The following C12orf56 variants were observed in gnomAD, a reference collection of about 807,000 sequenced individuals.
C12orf56 encodes the protein chromosome 12 open reading frame 56.
Under a neutral mutation model 69.9 loss-of-function variants are expected in C12orf56, and 71 were observed. The ratio of observed to expected loss-of-function variants is 1.02; its 90% CI spans 0.84 to 1.24. The LOEUF (loss-of-function observed/expected upper bound fraction) is 1.24. Among genes scored for constraint, C12orf56 ranks in the 50% most tolerant of loss-of-function variants. The pLI is 0.00. For synonymous variants in C12orf56, 276 were observed against 274.1 expected (o/e 1.01, Z -0.07); for missense variants, 732 against 738.5 (o/e 0.99, Z 0.10).
chr12:64,362,820 G>GGGTGGGAAATTCCT (rs2039416137), intron 1 of C12orf56, among the ~76,000 whole-genome samples: 1 of 152,110 alleles, frequency 6.6e-6, no homozygotes, highest in African/African-American at 2.4e-5. Context: ...TCTGGGAAAG[G>GGGTGGGAAATTCCT]GGTGGGAAAT....
At chr12:64,299,155 G>T (rs1342963088) in intron 6 of C12orf56, among the ~76,000 whole-genome samples, 1 of 152,106 alleles carries the variant, frequency 6.6e-6, no homozygotes, top group African/African-American at 2.4e-5. Context: ...ATTGTGAATG[G>T]GAGTTCACTC....
chr12:64,366,877 A>G (rs1434438402), intron 1 of C12orf56, among the ~76,000 whole-genome samples: 1 of 125,572 alleles, frequency 8.0e-6, no homozygotes, highest in Non-Finnish European at 1.5e-5. Context: ...CATACAGTTT[A>G]TATATATTAT....
Position 64,379,875 on chromosome 12 carries a change from A to G in C12orf56, c.252+10439T>C, listed in dbSNP as rs192065598. 7.2e-4 allele frequency among the ~76,000 whole-genome samples: 107 copies of G among 148,660 alleles called. No homozygotes were observed. The East Asian group carries it at 0.014, about 19-fold the overall frequency. Reference sequence around the variant, plus strand: ...GAGGTGGGCGGATCACAAGGTCAGGAGATCCAGACCATCCTGGCTAACACG... The same window carrying G: ...GAGGTGGGCGGATCACAAGGTCAGGGGATCCAGACCATCCTGGCTAACACG... On this transcript the variant is annotated intron_variant, in intron 1 of 12. Coordinates refer to ENST00000543942, the MANE Select transcript of C12orf56 (RefSeq NM_001170633.2).
intron 2 of C12orf56, chr12:64,352,254 C>A (rs1164933793): frequency 2.0e-5 from 3 of 152,144 alleles, no homozygotes; most frequent in Non-Finnish European, 2.9e-5. Context: ...CAGTTTGTCT[C>A]TTCTCACTTT....
At chr12:64,334,403 C>A (rs2038967642) in intron 2 of C12orf56, among the ~76,000 whole-genome samples, 1 of 152,110 alleles carries the variant, frequency 6.6e-6, no homozygotes, top group Non-Finnish European at 1.5e-5. Context: ...GTTCTAGGAT[C>A]GCCCTTGGAA....
chr12:64,364,869 C>T (rs2039444051), intron 1 of C12orf56, among the ~76,000 whole-genome samples: 1 of 151,978 alleles, frequency 6.6e-6, no homozygotes, highest in African/African-American at 2.4e-5. Flanking sequence ...ACTCTCACCC[C>T]GCCTCCTTTG....
chr12:64,346,507 T>G (rs1179435825), intron 2 of C12orf56, among the ~76,000 whole-genome samples: 1 of 152,194 alleles, frequency 6.6e-6, no homozygotes, highest in Non-Finnish European at 1.5e-5. Flanking sequence ...TGACACTCAG[T>G]ATTAATCATC....
intron 5 of C12orf56, among the ~76,000 whole-genome samples, chr12:64,309,127 T>C (rs924829920): frequency 1.3e-5 from 2 of 152,194 alleles, no homozygotes; most frequent in African/African-American, 4.8e-5. Flanking sequence ...AAAATTGAAC[T>C]AAAATTATAT....
intron 2 of C12orf56, among the ~76,000 whole-genome samples, chr12:64,352,118 T>TG (rs2039234462): frequency 1.2e-4 from 5 of 40,628 alleles, no homozygotes; most frequent in Admixed American, 3.5e-4. Flanking sequence ...TTTTTTTTGT[T>TG]TTTTTTTTTA....
chr12:64,357,398 T>A (rs563383109), intron 1 of C12orf56, among the ~76,000 whole-genome samples: 1 of 151,190 alleles, frequency 6.6e-6, no homozygotes, highest in Non-Finnish European at 1.5e-5. Flanking sequence ...GCAATCATAA[T>A]TTTTTCTTTT....
In C12orf56 at chr12:64,275,335, G is replaced by A; in HGVS notation, c.1472C>T (p.Thr491Ile). ...CAGAAGTATCTCATATAAAAGTGCT[G>A]TAGCAGTATTTGTATACTCCAGAAT... Reference protein sequence around the residue: ...KLILEYTNTATALLYEILLVF... With the variant: ...KLILEYTNTAIALLYEILLVF... The change falls in exon 10 of 13, where the codon ACA (threonine) becomes ATA (isoleucine). Residue 491 changes from threonine to isoleucine, a missense_variant. Transcript: ENST00000543942. 2 of 1,444,608 alleles carry A rather than the reference G, an allele frequency of 1.4e-6. No homozygotes were observed. The highest frequency in any genetic ancestry group is 1.8e-6 in the Non-Finnish European group (2 of 1,086,028). The allele number at this position is 1,444,608 out of a possible 1,614,324, so 89.5% of individuals were successfully genotyped here.
intron 12 of C12orf56, among the ~76,000 whole-genome samples, chr12:64,269,120 G>A (rs4631982): frequency 0.71 from 105,384 of 148,494 alleles, 38,303 homozygotes; most frequent in Non-Finnish European, 0.8. Flanking sequence ...AGCCTAGGTG[G>A]CAGAGTGAGA....
At chr12:64,358,482 A>AATAATAATAATAATAATAATC (rs11275269) in intron 1 of C12orf56, among the ~76,000 whole-genome samples, 1 of 125,944 alleles carries the variant, frequency 7.9e-6, no homozygotes, top group South Asian at 2.7e-4. Flanking sequence ...TAATAATAAT[A>AATAATAATAATAATAATAATC]ATCATCATCA....
At chr12:64,308,215 A>T (rs2038541487) in intron 5 of C12orf56, among the ~76,000 whole-genome samples, 2 of 152,098 alleles carry the variant, frequency 1.3e-5, no homozygotes, top group Non-Finnish European at 2.9e-5. Flanking sequence ...CCAGCTACTC[A>T]GCAGGCTGAG....
Position 64,352,969 on chromosome 12 carries a change from T to C in C12orf56, c.340A>G (p.Lys114Glu). 6.2e-7 allele frequency: 1 copy of C among 1,613,518 alleles called. No homozygotes were observed. Among genetic ancestry groups the C allele is most frequent in the Non-Finnish European group, 8.5e-7 (1 of 1,179,776 alleles). The change falls in exon 2 of 13, where the codon AAA becomes GAA. Residue 114 changes from lysine (K) to glutamate (E), a missense_variant. Lys to Glu is a moderately conservative substitution (Grantham distance 56, BLOSUM62 1). Transcript: ENST00000543942. ...ACACTGTTTGACTTTTTACACTCTT[T>C]TTTCAAAACGGTTGAAGAATAGATG... ...RIIYSSTVLK[K>E]ECKKSNSVRK...
At position 64,317,621 on chromosome 12, in the gene C12orf56, G is replaced by A. The variant is rs1316896503; in HGVS notation, c.894+954C>T. On this transcript the variant is annotated intron_variant, in intron 4 of 12. Coordinates refer to ENST00000543942, the MANE Select transcript of C12orf56 (RefSeq NM_001170633.2). The stretch of plus-strand genomic sequence containing the variant: ...CCAAAAATACAAAAATTAGCCGGGC[G>A]TGGTGGTGGGCAACTGTAATCCCAG... Among the ~76,000 whole-genome samples the A allele has an allele frequency of 2.6e-5, 4 of 152,074 alleles. No homozygotes were observed. In the South Asian group the frequency reaches 6.2e-4, roughly 24 times the overall value.
intron 1 of C12orf56, among the ~76,000 whole-genome samples, chr12:64,377,055 C>A (rs927149797): frequency 1.3e-5 from 2 of 152,156 alleles, no homozygotes; most frequent in Non-Finnish European, 2.9e-5. Context: ...AATCACCATT[C>A]TAACTGGTGT....
chr12:64,341,117 C>A (rs191164834), intron 2 of C12orf56, among the ~76,000 whole-genome samples: 58 of 152,208 alleles, frequency 3.8e-4, no homozygotes, highest in Non-Finnish European at 8.1e-4. Context: ...TAGGAGGAGC[C>A]CAATGTGTCC....
intron 1 of C12orf56, among the ~76,000 whole-genome samples, chr12:64,376,956 T>C (rs2039649854): frequency 6.6e-6 from 1 of 151,900 alleles, no homozygotes; most frequent in African/African-American, 2.4e-5. Context: ...TCCACAATGA[T>C]TCAATTAATT....
Sources: gnomAD v4.1 joint callset for allele counts (sites outside exome capture counted in the v4.1 genomes callset) on GRCh38, gnomAD v4.1.1 for gene constraint, MANE v1.5 for transcripts, NCBI Gene and HGNC (gene_info 2026-07-23, HGNC 2026-07-21) for gene names.